GPC6: variants seen among roughly 807,000 people sequenced by gnomAD.
GPC6 encodes the protein glypican 6.
GPC6 carries 14 observed loss-of-function variants against 55.2 expected under a neutral mutation model. That is an observed-to-expected ratio of 0.25 (90% CI 0.17 to 0.40). The LOEUF (loss-of-function observed/expected upper bound fraction) is 0.40. Ranked by LOEUF, GPC6 falls within the 10% of genes least tolerant of loss-of-function variation. The pLI is 1.00. For synonymous variants in GPC6, 278 were observed against 259.6 expected, an observed-to-expected ratio of 1.07 and a Z score of -0.68; for missense variants, 641 against 708.5, an observed-to-expected ratio of 0.90 and a Z score of 1.08.
At chr13:94,010,259 T>C (rs1882192755) in intron 3 of GPC6, among the ~76,000 whole-genome samples, 1 of 152,198 alleles carries the variant, frequency 6.6e-6, no homozygotes, top group Admixed American at 6.5e-5. Context: ...CTTGAAAAGA[T>C]TAATTTAATT....
chr13:93,982,005 A>ATTT (rs1298517383), intron 3 of GPC6, among the ~76,000 whole-genome samples: 2 of 152,166 alleles, frequency 1.3e-5, no homozygotes, highest in East Asian at 3.8e-4. Flanking sequence ...AGCACTGCAG[A>ATTT]ACCCCTTCTT....
chr13:93,534,209 T>G (rs1043040714), intron 1 of GPC6, among the ~76,000 whole-genome samples: 1 of 152,156 alleles, frequency 6.6e-6, no homozygotes, highest in African/African-American at 2.4e-5. Context: ...AAAGAAATAT[T>G]TTTCCAAGGA....
chr13:93,437,090 T>C (rs1473482357), intron 1 of GPC6, among the ~76,000 whole-genome samples: 1 of 152,162 alleles, frequency 6.6e-6, no homozygotes, highest in Non-Finnish European at 1.5e-5. Context: ...ATATTGTAAT[T>C]GTCTTGGAGC....
At chr13:93,708,999 T>TATACG in intron 2 of GPC6, among the ~76,000 whole-genome samples, 1 of 151,944 alleles carries the variant, frequency 6.6e-6, no homozygotes, top group South Asian at 2.1e-4. Flanking sequence ...TATGTTATTA[T>TATACG]ATACGATGTA....
At chr13:93,501,133 G>C (rs1274389048) in intron 1 of GPC6, among the ~76,000 whole-genome samples, 2 of 152,084 alleles carry the variant, frequency 1.3e-5, no homozygotes, top group Non-Finnish European at 2.9e-5. Flanking sequence ...ACTGTTTCCT[G>C]TAACCAATAC....
chr13:94,272,115 C>A (rs1455902891), intron 4 of GPC6, among the ~76,000 whole-genome samples: 3 of 151,922 alleles, frequency 2.0e-5, no homozygotes, highest in Non-Finnish European at 4.4e-5. Flanking sequence ...TACCAGTATG[C>A]ACAGAAGTAG....
At chr13:94,121,654 A>G (rs1401112922) in intron 4 of GPC6, among the ~76,000 whole-genome samples, 1 of 152,180 alleles carries the variant, frequency 6.6e-6, no homozygotes, top group African/African-American at 2.4e-5. Context: ...CTGGAAGCCA[A>G]CATGATTGTG....
intron 3 of GPC6, among the ~76,000 whole-genome samples, chr13:93,940,341 CT>C (rs1019335267): frequency 2.6e-5 from 4 of 151,258 alleles, no homozygotes; most frequent in Non-Finnish European, 1.5e-5. Context: ...TTTATAACCT[CT>C]ACAGAGAAGG....
rs117611196 is a variant in GPC6, at chr13:94,008,828, T to C, written c.712-18901T>C. On this transcript the variant is annotated intron_variant, in intron 3 of 8. Coordinates refer to ENST00000377047, the MANE Select transcript of GPC6 (RefSeq NM_005708.5). Reference sequence around the variant, plus strand: ...ATTTAAAAAGACATAAGCAGGTTTTTCTTTAACAGTTGTTTTCCTTTCTCC... The same window carrying C: ...ATTTAAAAAGACATAAGCAGGTTTTCCTTTAACAGTTGTTTTCCTTTCTCC... Among the ~76,000 whole-genome samples, 326 of 152,308 alleles carry C rather than the reference T, an allele frequency of 2.1e-3. 4 individuals carry two copies. The highest frequency in any genetic ancestry group is 1.9e-3 in the Non-Finnish European group (129 of 68,032).
At chr13:93,261,422 A>G (rs187015392) in intron 1 of GPC6, among the ~76,000 whole-genome samples, 5 of 152,326 alleles carry the variant, frequency 3.3e-5, no homozygotes, top group Middle Eastern at 6.8e-3. Context: ...CAAGAAGTTC[A>G]GCTCTCAGGA....
chr13:93,741,336 C>T (rs752363235), intron 2 of GPC6, among the ~76,000 whole-genome samples: 8 of 151,964 alleles, frequency 5.3e-5, no homozygotes, highest in Non-Finnish European at 7.4e-5. Flanking sequence ...AGGATGGTCT[C>T]GATCTCCTGA....
intron 3 of GPC6, among the ~76,000 whole-genome samples, chr13:93,853,949 G>A (rs2139016360): frequency 6.6e-6 from 1 of 151,776 alleles, no homozygotes; most frequent in East Asian, 1.9e-4. Context: ...CTATTGTCAG[G>A]TGTCGGAATT....
chr13:94,076,687 C>A (rs1418885784), intron 4 of GPC6, among the ~76,000 whole-genome samples: 1 of 151,880 alleles, frequency 6.6e-6, no homozygotes, highest in African/African-American at 2.4e-5. Flanking sequence ...CAATTTCATT[C>A]TTTTTAATGT....
At chr13:93,631,345 GT>G (rs1467657099) in intron 2 of GPC6, among the ~76,000 whole-genome samples, 1 of 152,136 alleles carries the variant, frequency 6.6e-6, no homozygotes, top group Non-Finnish European at 1.5e-5. Context: ...GTCGGTTGGA[GT>G]TTCTCTGGGG....
chr13:93,945,375 C>A (rs1319694775), intron 3 of GPC6, among the ~76,000 whole-genome samples: 3 of 152,148 alleles, frequency 2.0e-5, no homozygotes, highest in African/African-American at 7.2e-5. Context: ...AGTCAGCCAT[C>A]ATCACTTGTA....
At chr13:93,640,879 C>A (rs1879905559) in intron 2 of GPC6, among the ~76,000 whole-genome samples, 1 of 149,718 alleles carries the variant, frequency 6.7e-6, no homozygotes, top group African/African-American at 2.5e-5. Context: ...ACCCTTCTTC[C>A]CTCTTTATCT....
intron 4 of GPC6, among the ~76,000 whole-genome samples, chr13:94,088,261 C>A (rs1168713357): frequency 6.6e-6 from 1 of 152,016 alleles, no homozygotes; most frequent in South Asian, 2.1e-4. Context: ...TAATTCAGAG[C>A]CTGATACATG....
chr13:94,218,872 C>T (rs1276499116), intron 4 of GPC6, among the ~76,000 whole-genome samples: 6 of 152,108 alleles, frequency 3.9e-5, no homozygotes, highest in Admixed American at 3.9e-4. Flanking sequence ...GAATTCTAGA[C>T]TTCGTATTTT....
At chr13:94,259,014 G>A (rs1891582992) in intron 4 of GPC6, among the ~76,000 whole-genome samples, 1 of 150,880 alleles carries the variant, frequency 6.6e-6, no homozygotes, top group Non-Finnish European at 1.5e-5. Context: ...ACATTTCCCA[G>A]AAACCCCTTC....
Sources: gnomAD v4.1 joint callset for allele counts (sites outside exome capture counted in the v4.1 genomes callset) on GRCh38, gnomAD v4.1.1 for gene constraint, MANE v1.5 for transcripts, NCBI Gene and HGNC (gene_info 2026-07-23, HGNC 2026-07-21) for gene names.